CLASP1: variants seen among roughly 807,000 people sequenced by gnomAD.
CLASP1 encodes the protein CLIP-associating protein 1.
Under a neutral mutation model 192.3 loss-of-function variants are expected in CLASP1, and 38 were observed. The observed-to-expected ratio is 0.20, with a 90% CI of 0.15 to 0.26. The LOEUF is 0.26. Ranked by LOEUF, CLASP1 falls within the 10% of genes least tolerant of loss-of-function variation. CLASP1 has a pLI of 1.00. For synonymous variants in CLASP1, 691 were observed against 712.8 expected, an observed-to-expected ratio of 0.97 and a Z score of 0.49; for missense variants, 1,433 against 1,932.5, an observed-to-expected ratio of 0.74 and a Z score of 4.85.
intron 23 of CLASP1, among the ~76,000 whole-genome samples, chr2:121,416,581 TC>T (rs773868796): frequency 2.0e-5 from 3 of 152,158 alleles, no homozygotes; most frequent in Non-Finnish European, 4.4e-5. Flanking sequence ...ACAACAACCT[TC>T]TGGGATATAT....
chr2:121,482,959 C>T (rs1318604369), intron 8 of CLASP1, among the ~76,000 whole-genome samples: 1 of 152,182 alleles, frequency 6.6e-6, no homozygotes, highest in Non-Finnish European at 1.5e-5. Context: ...TTCTGCTTCT[C>T]CCACTTGCTA....
intron 2 of CLASP1, chr2:121,532,831 A>T (rs976138967): frequency 1.3e-5 from 2 of 152,200 alleles, no homozygotes; most frequent in African/African-American, 4.8e-5. Context: ...AAACCACATT[A>T]ATGTTAGATA....
At chr2:121,631,477 G>A (rs2069643368) in intron 1 of CLASP1, among the ~76,000 whole-genome samples, 1 of 151,666 alleles carries the variant, frequency 6.6e-6, no homozygotes, top group African/African-American at 2.4e-5. Context: ...TAGTAAAGAC[G>A]AGGTTTCACC....
At chr2:121,588,659 C>T (rs2062008421) in intron 2 of CLASP1, among the ~76,000 whole-genome samples, 1 of 152,210 alleles carries the variant, frequency 6.6e-6, no homozygotes, top group African/African-American at 2.4e-5. Context: ...CTCAATGGCA[C>T]ATCTAAATCC....
rs554348590 is a variant in CLASP1 at position 121,539,095 on chromosome 2, G to A, written c.196-8770C>T. Among the ~76,000 whole-genome samples, 27 of 152,162 alleles carry A rather than the reference G, an allele frequency of 1.8e-4. No individual in the cohort carries two copies. The South Asian group carries it at 5.6e-3, about 32-fold the overall frequency. On this transcript the variant is annotated intron_variant, in intron 2 of 39. Transcript: ENST00000263710. ...GTGAAATTTTCAGTTCTCCCAAATTGATCTAAACATTCAATAACATTCCAC... is the reference window on the plus strand; with the variant it reads ...GTGAAATTTTCAGTTCTCCCAAATTAATCTAAACATTCAATAACATTCCAC...
intron 6 of CLASP1, among the ~76,000 whole-genome samples, chr2:121,520,790 T>C (rs2094439903): frequency 6.6e-6 from 1 of 152,170 alleles, no homozygotes; most frequent in African/African-American, 2.4e-5. Flanking sequence ...GCTGCCTCTG[T>C]TACAGCCACT....
At chr2:121,525,812 T>A (rs747521050) in intron 6 of CLASP1, 33 bp downstream of exon 6, 5 of 1,515,624 alleles carry the variant, frequency 3.3e-6, no homozygotes, top group South Asian at 1.1e-5. Context: ...CTGTAAGCAA[T>A]GACTTCTCCC....
intron 23 of CLASP1, among the ~76,000 whole-genome samples, chr2:121,414,665 GT>G (rs2078263147): frequency 6.6e-6 from 1 of 152,174 alleles, no homozygotes; most frequent in South Asian, 2.1e-4. Flanking sequence ...AAGCATAGAA[GT>G]TCATAATGTT....
intron 26 of CLASP1, chr2:121,403,373 G>A (rs771270142): frequency 5.0e-5 from 23 of 456,310 alleles, no homozygotes; most frequent in Non-Finnish European, 1.0e-4. Flanking sequence ...TGAATGAATG[G>A]GTGGATGGAT....
chr2:121,429,495 T>C (rs569883186), intron 20 of CLASP1, among the ~76,000 whole-genome samples: 12 of 152,206 alleles, frequency 7.9e-5, no homozygotes, highest in Non-Finnish European at 1.5e-4. Flanking sequence ...GTGACCAGAA[T>C]AAATTCATTC....
intron 37 of CLASP1, among the ~76,000 whole-genome samples, chr2:121,351,511 T>C (rs1477127487): frequency 6.6e-6 from 1 of 152,244 alleles, no homozygotes; most frequent in Non-Finnish European, 1.5e-5. Context: ...TGAGAATATG[T>C]CCCACTTAAA....
intron 22 of CLASP1, among the ~76,000 whole-genome samples, chr2:121,420,152 A>G (rs1269260519): frequency 6.6e-6 from 1 of 151,818 alleles, no homozygotes; most frequent in Non-Finnish European, 1.5e-5. Flanking sequence ...AAAGTCAAGC[A>G]CAGGAACGTA....
intron 2 of CLASP1, among the ~76,000 whole-genome samples, chr2:121,555,301 G>GCCT (rs1264093919): frequency 6.6e-6 from 1 of 152,168 alleles, no homozygotes; most frequent in Non-Finnish European, 1.5e-5. Context: ...AACTCCAGTG[G>GCCT]CCTCCCACCA....
rs147000252 is a variant in CLASP1, at chr2:121,454,158, C to G, written c.1386-2309G>C. ...GAATTTTATCTCCCTGCCCACCCCC[C>G]CCTCCAAAATTAATATGCTGAAGTC... On this transcript the variant is annotated intron_variant, in intron 14 of 39. Transcript: ENST00000263710. Among the ~76,000 whole-genome samples the G allele has an allele frequency of 9.9e-5, 15 of 152,072 alleles. No homozygotes were observed. The South Asian group carries it at 1.7e-3, about 17-fold the overall frequency.
intron 34 of CLASP1, among the ~76,000 whole-genome samples, chr2:121,377,121 G>T (rs1395780287): frequency 6.6e-6 from 1 of 152,194 alleles, no homozygotes; most frequent in African/African-American, 2.4e-5. Context: ...AGTTCCTGGT[G>T]CCAAAAAGGT....
chr2:121,645,951 T>G (rs1248685987), intron 1 of CLASP1, among the ~76,000 whole-genome samples: 1 of 152,126 alleles, frequency 6.6e-6, no homozygotes, highest in African/African-American at 2.4e-5. Flanking sequence ...TAGAGGTCAT[T>G]TAGTCAAACA....
In CLASP1 at chr2:121,380,275, G is replaced by C. The variant is rs1217669649; in HGVS notation, c.3491+1933C>G. On this transcript the variant is annotated intron_variant, in intron 33 of 39. Coordinates refer to ENST00000263710, the Ensembl canonical transcript of CLASP1. ...AGCAGGACGGCCTCAGAAGCTGACT[G>C]AGAAGAGACCTGGGGAAACCTCAAT... Among the ~76,000 whole-genome samples, 12 of 152,312 alleles carry C rather than the reference G, an allele frequency of 7.9e-5. No individual in the cohort carries two copies. The East Asian group carries it at 2.1e-3, about 27-fold the overall frequency.
chr2:121,447,134 A>G (rs1038712362), intron 19 of CLASP1, among the ~76,000 whole-genome samples: 1 of 152,186 alleles, frequency 6.6e-6, no homozygotes, highest in Non-Finnish European at 1.5e-5. Context: ...CTCAGCACTA[A>G]AACGGATGAT....
chr2:121,515,860 A>G (rs2094275917), intron 6 of CLASP1, 98 bp from the exon 7 acceptor site: 1 of 873,786 alleles, frequency 1.1e-6, no homozygotes, highest in Non-Finnish European at 1.9e-6. Context: ...ATTTATCACC[A>G]TTTTACCAGT....
Sources: gnomAD v4.1 joint callset for allele counts (sites outside exome capture counted in the v4.1 genomes callset) on GRCh38, gnomAD v4.1.1 for gene constraint, MANE v1.5 for transcripts, NCBI Gene and HGNC (gene_info 2026-07-23, HGNC 2026-07-21) for gene names.